The following ATG2A variants were observed in gnomAD, a reference collection of about 807,000 sequenced individuals.
The protein encoded by ATG2A is autophagy-related protein 2 homolog A.
A neutral mutation model predicts 214.2 loss-of-function variants in ATG2A; 103 were observed. The observed-to-expected ratio is 0.48, with a 90% CI of 0.41 to 0.57. The LOEUF is 0.57. Ranked by LOEUF, ATG2A falls within the 20% of genes least tolerant of loss-of-function variation. ATG2A has a pLI of 0.00. For missense variants in ATG2A, 2,312 were observed against 2,613.2 expected (o/e 0.88, Z 2.51); for synonymous variants, 1,160 against 1,142.1 (o/e 1.02, Z -0.32).
chr11:64,908,566 A>G (rs1590647157), intron 16 of ATG2A, among the ~76,000 whole-genome samples: 1 of 152,266 alleles, frequency 6.6e-6, no homozygotes, highest in Non-Finnish European at 1.5e-5. Context: ...AAAAAAGAAA[A>G]AAAAAGAGAG....
In ATG2A at chr11:64,902,290, G is replaced by A. The variant is rs757810630; in HGVS notation, c.3874C>T (p.Arg1292Cys). The change falls in exon 28 of 41, where the codon CGC becomes TGC. Residue 1292 changes from arginine to cysteine, a missense_variant. Coordinates refer to ENST00000377264, the MANE Select transcript of ATG2A (RefSeq NM_015104.3). ...GGCTGGGCCAGCTCCCGTAGGCTGC[G>A]CTCGGTGTCCAGGAGGGCGTCGGCC... Reference protein sequence around the residue: ...DLADALLDTERSLRELAQPSG... With the variant: ...DLADALLDTECSLRELAQPSG... The A allele has an allele frequency of 2.1e-5, 34 of 1,612,712 alleles. No homozygotes were observed. Among genetic ancestry groups the A allele is most frequent in the Non-Finnish European group, 2.2e-5 (26 of 1,179,978 alleles).
Position 64,898,625 on chromosome 11 carries a change from G to A in ATG2A, c.4671+11C>T, listed in dbSNP as rs773833263. 1.9e-6 allele frequency: 3 copies of A among 1,611,984 alleles called. No homozygotes were observed. The highest frequency in any genetic ancestry group is 1.3e-5 in the African/African-American group (1 of 75,014). On this transcript the variant is annotated intron_variant, in intron 32 of 40. Coordinates refer to ENST00000377264, the MANE Select transcript of ATG2A (RefSeq NM_015104.3). The surrounding 1 kb of genome is among the most constrained non-coding windows in gnomAD (Gnocchi z 4.5). ...CCCTGCCCCAGGGTGGATGGTGCAG[G>A]TCGCTCATACCATGTTAGAGTGGGC...
In ATG2A at chr11:64,913,124, C is replaced by T; in HGVS notation, c.739G>A (p.Glu247Lys). The change falls in exon 6 of 41, where the codon GAG becomes AAG. Residue 247 changes from glutamate (E) to lysine (K), a missense_variant. Glu to Lys is a moderately conservative substitution (Grantham distance 56, BLOSUM62 1). Transcript: ENST00000377264. The surrounding 1 kb of genome is among the most constrained non-coding windows in gnomAD (Gnocchi z 4.3). ...EELPAQEEPP[E>K]PPLQIGSCSG... is the part of the protein sequence containing the mutation. The stretch of plus-strand genomic sequence containing the variant: ...CAGCTGCCGATCTGCAAGGGGGGCT[C>T]TGGAGGCTCTTCCTGGGAGACGGGA... 6.3e-7 allele frequency: 1 copy of T among 1,580,634 alleles called. No homozygotes were observed. The highest frequency in any genetic ancestry group is 8.6e-7 in the Non-Finnish European group (1 of 1,159,888).
rs760348460 is a variant in ATG2A, at chr11:64,913,707, C to A, written c.590+114G>T. ...CTCCCCAACCCTACCACCACCGAGG[C>A]CCATCCAGATCCACCCTGCCTCTTC... is the stretch of plus-strand genomic sequence containing the variant. On this transcript the variant is annotated intron_variant, in intron 4 of 40. Coordinates refer to ENST00000377264, the MANE Select transcript of ATG2A (RefSeq NM_015104.3). This position sits in a 1 kb window ranked among gnomAD's most constrained non-coding sequence, Gnocchi z 4.3. 1.0e-5 allele frequency: 11 copies of A among 1,094,732 alleles called. No individual in the cohort carries two copies. Among genetic ancestry groups the A allele is most frequent in the Non-Finnish European group, 1.3e-5 (10 of 744,842 alleles). The allele number at this position is 1,094,732 out of a possible 1,614,324, so 67.8% of individuals were successfully genotyped here.
chr11:64,901,841 C>T, intron 29 of ATG2A, 121 bp downstream of exon 29: 5 of 1,186,916 alleles, frequency 4.2e-6, no homozygotes, highest in East Asian at 2.5e-5. Context: ...GCAACCACCT[C>T]CTGCCTGCTT....
At chr11:64,914,603 G>T in intron 1 of ATG2A, 103 bp from the exon 2 acceptor site, 1 of 1,414,658 alleles carries the variant, frequency 7.1e-7, no homozygotes, top group Non-Finnish European at 9.5e-7. Flanking sequence ...CCCTTGGCTT[G>T]CCCTGTCCCT....
At position 64,910,880 on chromosome 11, in the gene ATG2A, T is replaced by A; in HGVS notation, c.1541A>T (p.Glu514Val). 2 of 1,610,346 alleles carry A rather than the reference T, an allele frequency of 1.2e-6. No homozygotes were observed. Among genetic ancestry groups the A allele is most frequent in the Non-Finnish European group, 8.5e-7 (1 of 1,178,880 alleles). ...GSRGRRTTSM[E>V]VHFGQLEVLE... ...CACCTCCAGCTGCCCGAAGTGCACTTCCATGCTGGTTGTCCGCCGGCCCCG... is the reference window on the plus strand; with the variant it reads ...CACCTCCAGCTGCCCGAAGTGCACTACCATGCTGGTTGTCCGCCGGCCCCG... Residue 514 changes from glutamate (E) to valine (V), a missense_variant, in exon 11 of 41, where the codon GAA (glutamate) becomes GTA (valine). By Grantham distance (121) the Glu-to-Val change is moderately radical (BLOSUM62 -2). Coordinates refer to ENST00000377264, the MANE Select transcript of ATG2A (RefSeq NM_015104.3).
At chr11:64,911,818 T>C (rs760755335) in intron 9 of ATG2A, 24 bp downstream of exon 9, 1 of 1,611,454 alleles carries the variant, frequency 6.2e-7, no homozygotes, top group Non-Finnish European at 8.5e-7. Context: ...GTCCCTGGAG[T>C]ACCCCCAGGG....
chr11:64,897,793 C>G, intron 35 of ATG2A, 46 bp downstream of exon 35: 1 of 1,614,128 alleles, frequency 6.2e-7, no homozygotes, highest in Non-Finnish European at 8.5e-7. Flanking sequence ...GGCCTGGCCC[C>G]CAGCAATCTG....
At position 64,896,880 on chromosome 11, in the gene ATG2A, A is replaced by AGGGAGGTGAGGAGGC. The variant is rs757557132; in HGVS notation, c.5151-26_5151-12dup. 1 of 1,612,796 alleles carries AGGGAGGTGAGGAGGC rather than the reference A, an allele frequency of 6.2e-7. No individual in the cohort carries two copies. The highest frequency in any genetic ancestry group is 8.5e-7 in the Non-Finnish European group (1 of 1,178,950). On this transcript the variant is annotated splice_polypyrimidine_tract_variant and intron_variant, in intron 37 of 40. Transcript: ENST00000377264. ...TCCACACCCAGGAGCCTGGCAGGGC[A>AGGGAGGTGAGGAGGC]GGGAGGTGAGGAGGCAGAAGGTGAG...
chr11:64,902,615 G>A lies in ATG2A; in HGVS notation c.3678C>T (p.Ser1226=), dbSNP rs1479218597. The A allele has an allele frequency of 1.2e-6, 2 of 1,610,886 alleles. No individual in the cohort carries two copies. Among genetic ancestry groups the A allele is most frequent in the African/African-American group, 1.3e-5 (1 of 74,998 alleles). The change falls in exon 27 of 41, where the codon TCC becomes TCT. Residue 1226 remains serine (S), a synonymous_variant. Transcript: ENST00000377264. ...NVVHVHSCAD[S]CALLVNLLQY... ...GGAGCAGGTTGACCAGCAGGGCACA[G>A]GAGTCGGCACAGCTGTGCACGTGTA... is the stretch of plus-strand genomic sequence containing the variant.
intron 7 of ATG2A, 35 bp from the exon 8 acceptor site, chr11:64,912,284 G>GCCCCGGCCCCCCCCCC: frequency 6.2e-7 from 1 of 1,602,390 alleles, no homozygotes; most frequent in Non-Finnish European, 8.5e-7. Flanking sequence ...GGGCTGGCTG[G>GCCCCGGCCCCCCCCCC]CCCTCCCAGC....
Position 64,913,308 on chromosome 11 carries a change from C to A in ATG2A, c.684G>T (p.Gln228His). 1 of 1,609,892 alleles carries A rather than the reference C, an allele frequency of 6.2e-7. No homozygotes were observed. Reference sequence around the variant, plus strand: ...CGTAGTGCAGGCGGACCCCTGCCAGCTGCAGCAGCTTGTGCAGGAAGGCAG... The same window carrying A: ...CGTAGTGCAGGCGGACCCCTGCCAGATGCAGCAGCTTGTGCAGGAAGGCAG... ...QPPAFLHKLL[Q>H]LAGVRLHYEE... The change falls in exon 5 of 41, where the codon CAG (glutamine) becomes CAT (histidine). Residue 228 changes from glutamine (Q) to histidine (H), a missense_variant. Coordinates refer to ENST00000377264, the MANE Select transcript of ATG2A (RefSeq NM_015104.3). The surrounding 1 kb of genome is among the most constrained non-coding windows in gnomAD (Gnocchi z 4.3).
chr11:64,911,092 T>C lies in ATG2A; in HGVS notation c.1412A>G (p.Asp471Gly), dbSNP rs1944754969. 1 of 1,613,848 alleles carries C rather than the reference T, an allele frequency of 6.2e-7. No homozygotes were observed. Among genetic ancestry groups the C allele is most frequent in the Non-Finnish European group, 8.5e-7 (1 of 1,179,990 alleles). ...ATKDGPFGSRDFHHLRPRFQR... is the reference protein window; with the variant it reads ...ATKDGPFGSRGFHHLRPRFQR... ...GAAGCGTGGTCGAAGGTGATGGAAG[T>C]CTCGGGAACCGAAGGGCCCATCCTT... is the stretch of plus-strand genomic sequence containing the variant. The change falls in exon 10 of 41, where the codon GAC becomes GGC. Residue 471 changes from aspartate to glycine, a missense_variant. Physicochemically the swap from Asp to Gly is moderately conservative, Grantham distance 94. Coordinates refer to ENST00000377264, the MANE Select transcript of ATG2A (RefSeq NM_015104.3).
At position 64,895,275 on chromosome 11, in the gene ATG2A, CG is replaced by C. The variant is rs1565736244; in HGVS notation, c.5580+14del. 17 of 1,612,934 alleles carry C rather than the reference CG, an allele frequency of 1.1e-5. No homozygotes were observed. The highest frequency in any genetic ancestry group is 1.7e-5 in the Admixed American group (1 of 59,988). On this transcript the variant is annotated intron_variant, in intron 40 of 40. Coordinates refer to ENST00000377264, the MANE Select transcript of ATG2A (RefSeq NM_015104.3). The surrounding 1 kb of genome is among the most constrained non-coding windows in gnomAD (Gnocchi z 5.0). ...ATGGGCATGGGGGACTGGGGCAGGGCGGGGGCCTGGTCACCTCTCGCACTGT... is the reference window on the plus strand; with the variant it reads ...ATGGGCATGGGGGACTGGGGCAGGGCGGGGCCTGGTCACCTCTCGCACTGT...
rs746233718 is a variant in ATG2A at position 64,913,741 on chromosome 11, C to G, written c.590+80G>C. On this transcript the variant is annotated intron_variant, in intron 4 of 40. Transcript: ENST00000377264. The surrounding 1 kb of genome is among the most constrained non-coding windows in gnomAD (Gnocchi z 4.3). The stretch of plus-strand genomic sequence containing the variant: ...ATCCACCCTGCCTCTTCCCAGGAAC[C>G]TAGGCTGCGGGTGGGGACCATCCAG... 2.3e-4 allele frequency: 326 copies of G among 1,417,446 alleles called. 1 individual carries two copies. The highest frequency in any genetic ancestry group is 3.1e-4 in the Non-Finnish European group (312 of 1,017,554). The allele number at this position is 1,417,446 out of a possible 1,614,324, so 87.8% of individuals were successfully genotyped here. A position where few individuals can be genotyped will look rare whatever the true frequency, so the allele number is the denominator to read the frequency against.
Position 64,910,134 on chromosome 11 carries a change from T to C in ATG2A, c.1769A>G (p.Asn590Ser), listed in dbSNP as rs755219241. 2 of 1,611,904 alleles carry C rather than the reference T, an allele frequency of 1.2e-6. No homozygotes were observed. The highest frequency in any genetic ancestry group is 1.7e-6 in the Non-Finnish European group (2 of 1,179,640). The change falls in exon 13 of 41, where the codon AAC becomes AGC. Residue 590 changes from asparagine (N) to serine (S), a missense_variant. Asn to Ser is a conservative substitution (Grantham distance 46). Transcript: ENST00000377264. ...CCCCAGCTCCACGTCCGCCTGGAAG[T>C]TGGCCAGGTCCAGGGCCAGTTCTGA... ...CHSELALDLA[N>S]FQADVELGAL... is the part of the protein sequence containing the mutation.
chr11:64,903,711 CTCCACGGGAGCCGAGCAGAGGGG>C lies in ATG2A; in HGVS notation c.3465-74_3465-52del, dbSNP rs746802710. The C allele has an allele frequency of 2.6e-6, 4 of 1,520,304 alleles. No homozygotes were observed. The South Asian group carries it at 4.9e-5, about 19-fold the overall frequency. 94.2% of individuals were successfully genotyped at this position (1,520,304 alleles called of 1,614,324 possible). A position where few individuals can be genotyped will look rare whatever the true frequency, so the allele number is the denominator to read the frequency against. Reference sequence around the variant, plus strand: ...GCCCGGGCACCGCTGCAGGGGGCAGCTCCACGGGAGCCGAGCAGAGGGGTCCCAAGCCCACAGGAGGTGGTATG... The same window carrying C: ...GCCCGGGCACCGCTGCAGGGGGCAGCTCCCAAGCCCACAGGAGGTGGTATG... On this transcript the variant is annotated intron_variant, in intron 24 of 40. Coordinates refer to ENST00000377264, the MANE Select transcript of ATG2A (RefSeq NM_015104.3). This position sits in a 1 kb window ranked among gnomAD's most constrained non-coding sequence, Gnocchi z 4.2.
At chr11:64,904,382 T>G (rs1474931958) in intron 24 of ATG2A, among the ~76,000 whole-genome samples, 3 of 151,696 alleles carry the variant, frequency 2.0e-5, no homozygotes. Flanking sequence ...CTGTCTCTAC[T>G]AAAAATACAA....
Sources: gnomAD v4.1 joint callset for allele counts (sites outside exome capture counted in the v4.1 genomes callset) on GRCh38, gnomAD v4.1.1 for gene constraint, Gnocchi (gnomAD v3.1) non-coding constraint, MANE v1.5 for transcripts, NCBI Gene and HGNC (gene_info 2026-07-23, HGNC 2026-07-21) for gene names.